The following ZNF438 variants were observed in gnomAD, a reference collection of about 807,000 sequenced individuals.
ZNF438 encodes zinc finger protein 438.
A neutral mutation model predicts 38.0 loss-of-function variants in ZNF438; 25 were observed. The observed-to-expected ratio is 0.66, with a 90% CI of 0.48 to 0.92. The LOEUF is 0.92. ZNF438 is among the 40% of genes least tolerant of loss of function. The pLI is 0.00. For missense variants in ZNF438, 1,007 were observed against 999.6 expected (o/e 1.01, Z -0.10); for synonymous variants, 372 against 364.1 (o/e 1.02, Z -0.25).
intron 2 of ZNF438, among the ~76,000 whole-genome samples, chr10:30,936,926 A>T (rs2046321210): frequency 6.6e-6 from 1 of 152,186 alleles, no homozygotes; most frequent in African/African-American, 2.4e-5. Context: ...AACATAAAAA[A>T]ATTTTAAACA....
intron 1 of ZNF438, among the ~76,000 whole-genome samples, chr10:31,026,068 C>T (rs1228397939): frequency 6.6e-6 from 1 of 152,150 alleles, no homozygotes; most frequent in African/African-American, 2.4e-5. Flanking sequence ...TCCTTCCTTA[C>T]ACTTTATACC....
intron 2 of ZNF438, among the ~76,000 whole-genome samples, chr10:30,933,456 C>A (rs541435896): frequency 6.6e-6 from 1 of 152,230 alleles, no homozygotes; most frequent in African/African-American, 2.4e-5. Flanking sequence ...GCAATTTATG[C>A]TTTAAAAACA....
intron 4 of ZNF438, among the ~76,000 whole-genome samples, chr10:30,858,465 T>C (rs971788424): frequency 2.0e-5 from 3 of 152,314 alleles, no homozygotes; most frequent in Admixed American, 2.0e-4. Flanking sequence ...AGCCATTGCC[T>C]ACCCTCTCCC....
intron 3 of ZNF438, among the ~76,000 whole-genome samples, chr10:30,904,500 C>G (rs972761217): frequency 6.6e-6 from 1 of 152,180 alleles, no homozygotes; most frequent in Non-Finnish European, 1.5e-5. Flanking sequence ...CTTCACTGTT[C>G]CCTCCCACTT....
At chr10:30,954,845 C>T (rs972870412) in intron 1 of ZNF438, among the ~76,000 whole-genome samples, 7 of 152,112 alleles carry the variant, frequency 4.6e-5, no homozygotes, top group Non-Finnish European at 1.0e-4. Flanking sequence ...CAAATTTCTA[C>T]AGGCAGAAAG....
rs533748005 is a variant in ZNF438, at chr10:30,980,578, C to T, written c.-191-38927G>A. On this transcript the variant is annotated intron_variant, in intron 1 of 5. Transcript: ENST00000413025. ...GTTCAAGATTTACATTTTAGACATACTAAGTTTGAAATGTTTATTAGACTC... is the reference window on the plus strand; with the variant it reads ...GTTCAAGATTTACATTTTAGACATATTAAGTTTGAAATGTTTATTAGACTC... 1.3e-4 allele frequency among the ~76,000 whole-genome samples: 20 copies of T among 152,286 alleles called. No homozygotes were observed. The South Asian group carries it at 3.9e-3, about 30-fold the overall frequency.
intron 3 of ZNF438, among the ~76,000 whole-genome samples, chr10:30,893,223 A>G (rs1472150131): frequency 6.6e-6 from 1 of 152,226 alleles, no homozygotes; most frequent in African/African-American, 2.4e-5. Flanking sequence ...TGCCTATGTA[A>G]TTGTCTCAAC....
chr10:31,021,045 C>G (rs886515392), intron 1 of ZNF438, among the ~76,000 whole-genome samples: 1 of 134,386 alleles, frequency 7.4e-6, no homozygotes, highest in Non-Finnish European at 1.5e-5. Flanking sequence ...CATATAAAAA[C>G]AACAGCAACT....
At chr10:31,030,707 A>C (rs1382750303) in intron 1 of ZNF438, among the ~76,000 whole-genome samples, 4 of 152,238 alleles carry the variant, frequency 2.6e-5, no homozygotes, top group Non-Finnish European at 5.9e-5. Flanking sequence ...CAGAAATGTG[A>C]ACTCTCGAGC....
chr10:30,955,768 G>C, intron 1 of ZNF438, among the ~76,000 whole-genome samples: 1 of 152,112 alleles, frequency 6.6e-6, no homozygotes, highest in East Asian at 1.9e-4. Context: ...GAATATTGGG[G>C]CATTTTATTA....
intron 3 of ZNF438, among the ~76,000 whole-genome samples, chr10:30,893,917 A>G (rs984761238): frequency 1.3e-5 from 2 of 152,246 alleles, no homozygotes; most frequent in African/African-American, 4.8e-5. Context: ...TTATTATTGT[A>G]ATACTATTAA....
intron 1 of ZNF438, among the ~76,000 whole-genome samples, chr10:30,983,171 T>A (rs1236123005): frequency 6.6e-6 from 1 of 152,242 alleles, no homozygotes; most frequent in Non-Finnish European, 1.5e-5. Flanking sequence ...CACAAGTGGC[T>A]TAAAGTATCA....
At chr10:30,936,112 G>C (rs971070464) in intron 2 of ZNF438, among the ~76,000 whole-genome samples, 1 of 152,172 alleles carries the variant, frequency 6.6e-6, no homozygotes, top group Non-Finnish European at 1.5e-5. Flanking sequence ...GAGACAGTCA[G>C]ACAGCCAGAC....
chr10:30,900,692 G>A (rs1033035645), intron 3 of ZNF438, among the ~76,000 whole-genome samples: 2 of 152,260 alleles, frequency 1.3e-5, no homozygotes, highest in Admixed American at 1.3e-4. Context: ...TGGAGCTGAG[G>A]TTTGAAGACA....
intron 1 of ZNF438, among the ~76,000 whole-genome samples, chr10:31,021,311 A>C (rs1326895836): frequency 6.6e-6 from 1 of 152,226 alleles, no homozygotes; most frequent in East Asian, 1.9e-4. Context: ...CTCCATAGGA[A>C]AATAATAATT....
chr10:30,903,566 G>A (rs2042273781), intron 3 of ZNF438, among the ~76,000 whole-genome samples: 2 of 152,154 alleles, frequency 1.3e-5, no homozygotes, highest in Non-Finnish European at 1.5e-5. Context: ...AAATGAGGAC[G>A]CTCACATGAC....
intron 4 of ZNF438, among the ~76,000 whole-genome samples, chr10:30,858,540 T>G (rs769293132): frequency 6.6e-6 from 1 of 152,254 alleles, no homozygotes. Context: ...GCACTGACTA[T>G]GGAGCATGCA....
intron 1 of ZNF438, among the ~76,000 whole-genome samples, chr10:31,000,068 C>T (rs1036710757): frequency 3.3e-5 from 5 of 152,128 alleles, no homozygotes; most frequent in Middle Eastern, 3.2e-3. Flanking sequence ...ATGTCGGCAA[C>T]GAAATGCTTA....
chr10:30,923,420 A>C (rs1156875239), intron 2 of ZNF438: 1 of 152,194 alleles, frequency 6.6e-6, no homozygotes, highest in Non-Finnish European at 1.5e-5. Flanking sequence ...CTGCTTCTAA[A>C]TGCATAATTT....
Sources: allele counts gnomAD v4.1 joint callset (sites outside exome capture counted in the v4.1 genomes callset), GRCh38; gene constraint gnomAD v4.1.1; transcripts MANE v1.5; gene names NCBI Gene and HGNC (gene_info 2026-07-23, HGNC 2026-07-21).